Variants in DAB1 observed in about 807,000 individuals in gnomAD.
The protein encoded by DAB1 is disabled homolog 1.
A neutral mutation model predicts 64.6 loss-of-function variants in DAB1; 15 were observed. The ratio of observed to expected loss-of-function variants is 0.23; its 90% CI spans 0.16 to 0.36. DAB1 has a LOEUF of 0.36. Among genes scored for constraint, DAB1 ranks in the 10% least tolerant of loss-of-function variants. The pLI is 1.00. For missense variants in DAB1, 596 were observed against 706.7 expected (o/e 0.84, Z 1.78); for synonymous variants, 235 against 251.9 (o/e 0.93, Z 0.64).
intron 7 of DAB1, among the ~76,000 whole-genome samples, chr1:57,512,607 A>G (rs192121854): frequency 1.3e-5 from 2 of 152,358 alleles, no homozygotes; most frequent in African/African-American, 4.8e-5. Context: ...TTAAACTGAA[A>G]CATGCCGGTG....
At chr1:57,866,999 G>C (rs375862857) in intron 1 of DAB1, 5 of 152,108 alleles carry the variant, frequency 3.3e-5, no homozygotes, top group Non-Finnish European at 2.9e-5. Context: ...CCTTTCTGTT[G>C]GATGTCAGGT....
chr1:58,177,343 T>C (rs1451687365), intron 4 of DAB1, among the ~76,000 whole-genome samples: 1 of 152,224 alleles, frequency 6.6e-6, no homozygotes, highest in East Asian at 1.9e-4. Flanking sequence ...CTCTCATATA[T>C]TTGTTAAATG....
At chr1:57,134,150 CA>C (rs1376543032) in intron 4 of DAB1, among the ~76,000 whole-genome samples, 2 of 152,138 alleles carry the variant, frequency 1.3e-5, no homozygotes, top group Admixed American at 6.6e-5. Context: ...GAAGGCAGTC[CA>C]TTTAACTGCC....
In DAB1 at chr1:57,015,207, G is replaced by C. The variant is rs767003254; in HGVS notation, c.1120C>G (p.Pro374Ala). ...CCTTGGAACATGGCAGCTGGCAAAG[G>C]CATAACAGTTTGTGTGGGCATGAAG... ...AAFMPTQTVMPLPAAMFQGPL... is the reference protein window; with the variant it reads ...AAFMPTQTVMALPAAMFQGPL... Residue 374 changes from proline to alanine, a missense_variant, in exon 12 of 15, where the codon CCT becomes GCT. Transcript: ENST00000371236. The C allele has an allele frequency of 1.2e-6, 2 of 1,613,962 alleles. No individual in the cohort carries two copies. The highest frequency in any genetic ancestry group is 2.7e-5 in the African/African-American group (2 of 74,920).
intron 11 of DAB1, among the ~76,000 whole-genome samples, chr1:57,018,053 A>G (rs1282732950): frequency 1.3e-5 from 2 of 152,234 alleles, no homozygotes; most frequent in Non-Finnish European, 2.9e-5. Flanking sequence ...ACGACAAAGC[A>G]TTATTCCACA....
intron 7 of DAB1, among the ~76,000 whole-genome samples, chr1:57,485,080 C>T (rs1644072594): frequency 1.3e-5 from 2 of 152,276 alleles, no homozygotes; most frequent in South Asian, 2.1e-4. Flanking sequence ...AGGATAGCAG[C>T]CAACCTCAAG....
intron 5 of DAB1, among the ~76,000 whole-genome samples, chr1:57,952,182 A>C (rs1645294367): frequency 6.6e-6 from 1 of 152,114 alleles, no homozygotes; most frequent in Admixed American, 6.5e-5. Flanking sequence ...ATGTGACAAG[A>C]AGCACTGTTG....
At chr1:58,158,713 T>C (rs1347106522) in intron 4 of DAB1, among the ~76,000 whole-genome samples, 1 of 152,176 alleles carries the variant, frequency 6.6e-6, no homozygotes, top group African/African-American at 2.4e-5. Context: ...TCAAAGATCA[T>C]ACCCCGGAAG....
intron 7 of DAB1, among the ~76,000 whole-genome samples, chr1:57,635,526 T>G (rs771143932): frequency 2.6e-5 from 4 of 152,130 alleles, no homozygotes; most frequent in African/African-American, 4.8e-5. Context: ...CTTATGAGAC[T>G]CTACTGCCTA....
At position 57,136,616 on chromosome 1, in the gene DAB1, T is replaced by C. The variant is rs1570757762; in HGVS notation, c.233A>G (p.Lys78Arg). ...LKGVVAGARS[K>R]GEHKQKIFLT... Reference sequence around the variant, plus strand: ...AAAGATTTTCTGTTTGTGTTCTCCTTTGGAACGAGCGCCAGCAACAACGCC... The same window carrying C: ...AAAGATTTTCTGTTTGTGTTCTCCTCTGGAACGAGCGCCAGCAACAACGCC... Residue 78 changes from lysine to arginine, a missense_variant, in exon 4 of 15, where the codon AAA (lysine) becomes AGA (arginine). Coordinates refer to ENST00000371236, the MANE Select transcript of DAB1 (RefSeq NM_001365792.1). 2 of 1,540,170 alleles carry C rather than the reference T, an allele frequency of 1.3e-6. No homozygotes were observed. Among genetic ancestry groups the C allele is most frequent in the East Asian group, 2.3e-5 (1 of 43,228 alleles).
chr1:58,062,572 G>T (rs1452503361), intron 5 of DAB1, among the ~76,000 whole-genome samples: 1 of 152,142 alleles, frequency 6.6e-6, no homozygotes, highest in Admixed American at 6.5e-5. Flanking sequence ...GCTCCACAGA[G>T]TCCACAGTCA....
intron 1 of DAB1, among the ~76,000 whole-genome samples, chr1:57,830,858 C>A (rs1652553790): frequency 6.6e-6 from 1 of 152,082 alleles, no homozygotes; most frequent in South Asian, 2.1e-4. Context: ...AGTACTAAGT[C>A]CCAAGTGGGC....
At chr1:57,749,961 G>GA (rs979310327) in intron 6 of DAB1, among the ~76,000 whole-genome samples, 1 of 151,930 alleles carries the variant, frequency 6.6e-6, no homozygotes. Context: ...CCATCCTGGT[G>GA]AAAAAAATCA....
chr1:58,491,233 C>G (rs903308075), intron 3 of DAB1, among the ~76,000 whole-genome samples: 10 of 152,082 alleles, frequency 6.6e-5, no homozygotes, highest in Non-Finnish European at 1.5e-4. Context: ...TTGTCACCAC[C>G]AGGCCTGCCC....
chr1:57,963,445 G>A (rs185586547), intron 5 of DAB1, among the ~76,000 whole-genome samples: 101 of 152,250 alleles, frequency 6.6e-4, no homozygotes, highest in Non-Finnish European at 1.2e-3. Context: ...ACGGTGCACC[G>A]TTATTCTCTC....
At chr1:57,166,280 C>G (rs1020211417) in intron 2 of DAB1, among the ~76,000 whole-genome samples, 11 of 152,112 alleles carry the variant, frequency 7.2e-5, no homozygotes, top group African/African-American at 2.7e-4. Flanking sequence ...AAATCCAGCT[C>G]TCCTTGACTC....
intron 5 of DAB1, among the ~76,000 whole-genome samples, chr1:58,022,986 G>T (rs1646836171): frequency 6.6e-6 from 1 of 151,994 alleles, no homozygotes. Context: ...CAATAAACAT[G>T]GTGTGAAGGA....
At chr1:57,630,292 C>T (rs758796058) in intron 7 of DAB1, among the ~76,000 whole-genome samples, 8 of 152,076 alleles carry the variant, frequency 5.3e-5, no homozygotes, top group Admixed American at 1.3e-4. Context: ...TCATCTGGAA[C>T]CTGTGCAAAT....
intron 7 of DAB1, among the ~76,000 whole-genome samples, chr1:57,538,226 G>C (rs1644754324): frequency 6.6e-6 from 1 of 152,270 alleles, no homozygotes; most frequent in South Asian, 2.1e-4. Flanking sequence ...TCCTGGCTTA[G>C]ACTGGCTCCT....
Sources: allele counts gnomAD v4.1 joint callset (sites outside exome capture counted in the v4.1 genomes callset), GRCh38; gene constraint gnomAD v4.1.1; transcripts MANE v1.5; gene names NCBI Gene and HGNC (gene_info 2026-07-23, HGNC 2026-07-21).